MYRIP: variants seen among roughly 807,000 people sequenced by gnomAD.
The protein encoded by MYRIP is rab effector MyRIP.
Under a neutral mutation model 98.0 loss-of-function variants are expected in MYRIP, and 49 were observed. The ratio of observed to expected loss-of-function variants is 0.50; its 90% CI spans 0.40 to 0.63. MYRIP has a LOEUF of 0.63. Ranked by LOEUF, MYRIP falls within the 30% of genes least tolerant of loss-of-function variation. MYRIP has a pLI of 0.00. For synonymous variants in MYRIP, 404 were observed against 409.5 expected (o/e 0.99, Z 0.16); for missense variants, 1,004 against 1,058.2 (o/e 0.95, Z 0.71).
chr3:40,136,684 C>A (rs866105530), intron 3 of MYRIP, among the ~76,000 whole-genome samples: 8 of 152,144 alleles, frequency 5.3e-5, no homozygotes, highest in Non-Finnish European at 7.3e-5. Context: ...AACAAACTGT[C>A]TCTCAGACCA....
At chr3:40,010,964 C>T (rs1946749513) in intron 2 of MYRIP, among the ~76,000 whole-genome samples, 1 of 152,182 alleles carries the variant, frequency 6.6e-6, no homozygotes, top group African/African-American at 2.4e-5. Context: ...TAACCCATTT[C>T]TCTTTTACAT....
chr3:40,251,955 A>G lies in MYRIP; in HGVS notation c.2503A>G (p.Thr835Ala), dbSNP rs746222144. 6.2e-7 allele frequency: 1 copy of G among 1,613,676 alleles called. No individual in the cohort carries two copies. The highest frequency in any genetic ancestry group is 8.5e-7 in the Non-Finnish European group (1 of 1,179,614). ...NHNFILQGSS[T>A]NRTKERKGTT... ...CAACTTCATTCTCCAAGGCTCCTCA[A>G]CAAACAGGACTAAGGAAAGGAAAGG... is the stretch of plus-strand genomic sequence containing the variant. Residue 835 changes from threonine (T) to alanine (A), a missense_variant, in exon 16 of 17, where the codon ACA (threonine) becomes GCA (alanine). Coordinates refer to ENST00000302541, the MANE Select transcript of MYRIP (RefSeq NM_015460.4).
chr3:40,140,879 C>G (rs963721243), intron 3 of MYRIP, among the ~76,000 whole-genome samples: 5 of 152,114 alleles, frequency 3.3e-5, no homozygotes, highest in Non-Finnish European at 7.4e-5. Flanking sequence ...GATCCATCCC[C>G]TTAAGCATTT....
At chr3:40,008,327 T>G (rs368840073) in intron 2 of MYRIP, among the ~76,000 whole-genome samples, 2 of 152,388 alleles carry the variant, frequency 1.3e-5, no homozygotes, top group East Asian at 3.9e-4. Context: ...TTATTCAGTA[T>G]GAATTTAAAG....
intron 5 of MYRIP, among the ~76,000 whole-genome samples, chr3:40,164,273 T>G (rs1950459576): frequency 6.6e-6 from 1 of 152,206 alleles, no homozygotes; most frequent in Non-Finnish European, 1.5e-5. Context: ...AGTGTTAATT[T>G]CAGTGGCCAT....
chr3:40,238,076 C>T (rs1952871491), intron 12 of MYRIP, among the ~76,000 whole-genome samples: 1 of 152,184 alleles, frequency 6.6e-6, no homozygotes, highest in Non-Finnish European at 1.5e-5. Context: ...GCTGGAAGGC[C>T]CAGTCTGTAG....
chr3:40,127,147 T>C (rs1409577806), intron 3 of MYRIP, among the ~76,000 whole-genome samples: 1 of 152,202 alleles, frequency 6.6e-6, no homozygotes, highest in African/African-American at 2.4e-5. Context: ...TTTCTTATAA[T>C]ATGACTTAAA....
In MYRIP at chr3:40,260,014, T is replaced by C. The variant is rs1953715890; in HGVS notation, c.*1848T>C. ...CAGCAGCAGCCTGCTGTGTGGCATC[T>C]GAACTTTTATAAAGGTTTCCTTGTG... On this transcript the variant is annotated 3_prime_UTR_variant, in exon 17 of 17. Coordinates refer to ENST00000302541, the MANE Select transcript of MYRIP (RefSeq NM_015460.4). The C allele has an allele frequency of 6.5e-6, 1 of 152,678 alleles. No homozygotes were observed. The highest frequency in any genetic ancestry group is 1.5e-5 in the Non-Finnish European group (1 of 68,038). 9.5% of individuals were successfully genotyped at this position (152,678 alleles called of 1,614,324 possible). A position where few individuals can be genotyped will look rare whatever the true frequency, so the allele number is the denominator to read the frequency against.
chr3:39,977,688 G>C (rs552711330), intron 2 of MYRIP, among the ~76,000 whole-genome samples: 10 of 152,266 alleles, frequency 6.6e-5, no homozygotes, highest in South Asian at 2.1e-4. Context: ...CAAATATAGA[G>C]AGTCAAATCC....
At chr3:39,992,435 A>G (rs913634279) in intron 2 of MYRIP, among the ~76,000 whole-genome samples, 2 of 152,108 alleles carry the variant, frequency 1.3e-5, no homozygotes, top group Admixed American at 1.3e-4. Context: ...CTCTCCCCCA[A>G]GGGCACAGCT....
At chr3:40,189,793 C>A in intron 9 of MYRIP, 33 bp from the exon 10 acceptor site, 1 of 1,559,166 alleles carries the variant, frequency 6.4e-7, no homozygotes, top group South Asian at 1.2e-5. Context: ...GATAACAGCC[C>A]CTCTCTGCTT....
chr3:39,809,699 G>T lies in MYRIP; in HGVS notation c.-248G>T, dbSNP rs1296342297. 1 of 152,066 alleles carries T rather than the reference G, an allele frequency of 6.6e-6. No individual in the cohort carries two copies. Among genetic ancestry groups the T allele is most frequent in the Non-Finnish European group, 1.5e-5 (1 of 67,970 alleles). The allele number at this position is 152,066 out of a possible 1,614,324, so 9.4% of individuals were successfully genotyped here. A position where few individuals can be genotyped will look rare whatever the true frequency, so the allele number is the denominator to read the frequency against. Reference sequence around the variant, plus strand: ...GCTCCCGCCTCCTGTCGGTTCCCGGGTTCCCGCTGCGGCTGCGGTTCTGGC... The same window carrying T: ...GCTCCCGCCTCCTGTCGGTTCCCGGTTTCCCGCTGCGGCTGCGGTTCTGGC... On this transcript the variant is annotated 5_prime_UTR_variant, in exon 1 of 17. Transcript: ENST00000302541.
At chr3:40,044,003 T>A (rs202052005) in intron 2 of MYRIP, 47 bp from the exon 3 acceptor site, 61 of 1,569,468 alleles carry the variant, frequency 3.9e-5, no homozygotes. Context: ...CCTGACCTGA[T>A]GTTGTGTTTC....
At chr3:39,898,888 T>C (rs1314754886) in intron 1 of MYRIP, among the ~76,000 whole-genome samples, 1 of 152,154 alleles carries the variant, frequency 6.6e-6, no homozygotes, top group East Asian at 1.9e-4. Context: ...TTGCTTTAGT[T>C]ATGATTTTTA....
intron 2 of MYRIP, among the ~76,000 whole-genome samples, chr3:39,924,255 G>T (rs973889381): frequency 1.3e-5 from 2 of 151,812 alleles, no homozygotes; most frequent in Non-Finnish European, 2.9e-5. Flanking sequence ...CAAATATAAC[G>T]ATATAGATAG....
At chr3:40,015,500 T>G (rs2125800574) in intron 2 of MYRIP, among the ~76,000 whole-genome samples, 1 of 152,338 alleles carries the variant, frequency 6.6e-6, no homozygotes, top group South Asian at 2.1e-4. Context: ...TCATGGATTC[T>G]GGGACCAGCA....
intron 3 of MYRIP, among the ~76,000 whole-genome samples, chr3:40,144,693 G>T (rs1318813748): frequency 6.6e-6 from 1 of 152,142 alleles, no homozygotes; most frequent in Non-Finnish European, 1.5e-5. Flanking sequence ...TAGAAGCAAG[G>T]CTTTCTGTAT....
intron 2 of MYRIP, among the ~76,000 whole-genome samples, chr3:39,965,536 T>A (rs6802685): frequency 0.2 from 30,682 of 152,052 alleles, 6,337 homozygotes; most frequent in African/African-American, 0.53. Context: ...TCAGGGTCAG[T>A]TAGAGAACCT....
intron 3 of MYRIP, among the ~76,000 whole-genome samples, chr3:40,067,947 C>T (rs180832915): frequency 6.5e-4 from 99 of 152,272 alleles, no homozygotes; most frequent in Admixed American, 1.7e-3. Context: ...TACATCAACT[C>T]CTATCCATAT....
Sources: allele counts gnomAD v4.1 joint callset (sites outside exome capture counted in the v4.1 genomes callset), GRCh38; gene constraint gnomAD v4.1.1; transcripts MANE v1.5; gene names NCBI Gene and HGNC (gene_info 2026-07-23, HGNC 2026-07-21).